Variants in MAN1A2 observed in about 807,000 individuals in gnomAD.
The protein encoded by MAN1A2 is mannosyl-oligosaccharide 1,2-alpha-mannosidase IB.
In MAN1A2, 26 loss-of-function variants were observed where a neutral mutation model predicts 75.7. The ratio of observed to expected loss-of-function variants is 0.34; its 90% confidence interval spans 0.25 to 0.48. The LOEUF is 0.48. Among genes scored for constraint, MAN1A2 ranks in the 20% least tolerant of loss-of-function variants. The pLI, the probability that MAN1A2 is intolerant of heterozygous loss-of-function variation, is 0.99. For missense variants in MAN1A2, 562 were observed against 775.5 expected (o/e 0.72, Z 3.27); for synonymous variants, 247 against 264.6 (o/e 0.93, Z 0.65).
rs1289683744 is a variant in MAN1A2, at chr1:117,367,769, A to G, written c.-415A>G. On this transcript the variant is annotated 5_prime_UTR_variant, in exon 1 of 13. Transcript: ENST00000356554. ...AGAAGCGTCGAAGGAGATCAAGTGAACCTTCTACAACTCCTCGGATGTCGC... is the reference window on the plus strand; with the variant it reads ...AGAAGCGTCGAAGGAGATCAAGTGAGCCTTCTACAACTCCTCGGATGTCGC... 1 of 164,116 alleles carries G rather than the reference A, an allele frequency of 6.1e-6. No individual in the cohort carries two copies. The highest frequency in any genetic ancestry group is 1.3e-5 in the Non-Finnish European group (1 of 76,178). 10.2% of individuals were successfully genotyped at this position (164,116 alleles called of 1,614,324 possible). A position where few individuals can be genotyped will look rare whatever the true frequency, so the allele number is the denominator to read the frequency against.
chr1:117,458,664 C>T (rs1030339482), intron 6 of MAN1A2, among the ~76,000 whole-genome samples: 4 of 150,924 alleles, frequency 2.7e-5, no homozygotes, highest in Non-Finnish European at 5.9e-5. Context: ...GCTGGGATTA[C>T]GGCGCCTGCC....
Position 117,402,240 on chromosome 1 carries a change from G to T in MAN1A2, c.357G>T (p.Leu119Phe). The T allele has an allele frequency of 6.2e-7, 1 of 1,613,656 alleles. No individual in the cohort carries two copies. The highest frequency in any genetic ancestry group is 8.5e-7 in the Non-Finnish European group (1 of 1,179,744). Residue 119 changes from leucine (L) to phenylalanine (F), a missense_variant, in exon 2 of 13, where the codon TTG (leucine) becomes TTT (phenylalanine). By Grantham distance (22) the Leu-to-Phe change is conservative. Coordinates refer to ENST00000356554, the MANE Select transcript of MAN1A2 (RefSeq NM_006699.5). ...TTCGAGCTGATCATGAGAAGGCCTTGGAAGAAGCAAAAGAAAAATTAAGAA... is the reference window on the plus strand; with the variant it reads ...TTCGAGCTGATCATGAGAAGGCCTTTGAAGAAGCAAAAGAAAAATTAAGAA... ...NKIRADHEKA[L>F]EEAKEKLRKS...
chr1:117,419,427 G>A (rs960978061), intron 4 of MAN1A2, among the ~76,000 whole-genome samples: 10 of 151,920 alleles, frequency 6.6e-5, no homozygotes, highest in African/African-American at 2.4e-4. Context: ...GTTAGATGTT[G>A]GGAATATATG....
At chr1:117,431,574 A>G (rs939986749) in intron 5 of MAN1A2, among the ~76,000 whole-genome samples, 1 of 152,218 alleles carries the variant, frequency 6.6e-6, no homozygotes, top group Non-Finnish European at 1.5e-5. Context: ...CTTTCTTTTC[A>G]AGTGCACATG....
chr1:117,494,288 A>T (rs1185841168), intron 9 of MAN1A2: 1 of 152,124 alleles, frequency 6.6e-6, no homozygotes, highest in African/African-American at 2.4e-5. Flanking sequence ...TTTCTAAGAA[A>T]AAACTGTGAA....
intron 6 of MAN1A2, among the ~76,000 whole-genome samples, chr1:117,443,483 G>A (rs761348902): frequency 6.6e-5 from 10 of 151,982 alleles, no homozygotes; most frequent in African/African-American, 1.9e-4. Flanking sequence ...CAGGATCATC[G>A]TCAGAATCAG....
intron 8 of MAN1A2, among the ~76,000 whole-genome samples, chr1:117,478,070 C>T (rs1351069533): frequency 6.6e-6 from 1 of 152,016 alleles, no homozygotes; most frequent in East Asian, 1.9e-4. Context: ...AGGAATCCAA[C>T]TTACAAGGGA....
chr1:117,511,535 ACTTTTTC>A (rs1651534418), intron 12 of MAN1A2, among the ~76,000 whole-genome samples: 1 of 151,520 alleles, frequency 6.6e-6, no homozygotes, highest in African/African-American at 2.4e-5. Flanking sequence ...AGCCGTAGGG[ACTTTTTC>A]CTTTTAACTA....
intron 5 of MAN1A2, among the ~76,000 whole-genome samples, chr1:117,425,779 A>G (rs965606167): frequency 3.3e-5 from 5 of 152,214 alleles, no homozygotes; most frequent in Non-Finnish European, 5.9e-5. Flanking sequence ...TTATTATTAT[A>G]GATTTCAGTT....
chr1:117,410,756 A>T (rs989939942), intron 3 of MAN1A2, among the ~76,000 whole-genome samples: 1 of 151,926 alleles, frequency 6.6e-6, no homozygotes, highest in African/African-American at 2.4e-5. Context: ...AAATTTAGTA[A>T]TGTTATAGGA....
intron 12 of MAN1A2, among the ~76,000 whole-genome samples, chr1:117,510,776 A>C (rs1227180688): frequency 2.6e-5 from 4 of 152,074 alleles, no homozygotes; most frequent in Non-Finnish European, 5.9e-5. Context: ...AATGAATGTA[A>C]AATAATCCTG....
intron 5 of MAN1A2, among the ~76,000 whole-genome samples, chr1:117,428,091 A>ATCTCTC (rs35953056): frequency 6.8e-6 from 1 of 146,792 alleles, no homozygotes; most frequent in Non-Finnish European, 1.5e-5. Context: ...TAAACTGTAA[A>ATCTCTC]TCTCTCTCTC....
chr1:117,465,599 G>T (rs868041132), intron 7 of MAN1A2, among the ~76,000 whole-genome samples: 1 of 152,092 alleles, frequency 6.6e-6, no homozygotes, highest in Non-Finnish European at 1.5e-5. Flanking sequence ...TACCAGCCAG[G>T]TTATTCATCA....
At chr1:117,429,908 T>C (rs1648549423) in intron 5 of MAN1A2, among the ~76,000 whole-genome samples, 1 of 61,334 alleles carries the variant, frequency 1.6e-5, no homozygotes, top group Non-Finnish European at 3.4e-5. Flanking sequence ...GCAGAGGGGC[T>C]CCTCACTTCC....
intron 12 of MAN1A2, among the ~76,000 whole-genome samples, chr1:117,503,624 C>G (rs1217776533): frequency 6.6e-6 from 1 of 151,518 alleles, no homozygotes; most frequent in Non-Finnish European, 1.5e-5. Context: ...TCTCTTCATA[C>G]TCGCTCTTAA....
At chr1:117,486,080 A>T (rs1488217788) in intron 8 of MAN1A2, among the ~76,000 whole-genome samples, 1 of 152,048 alleles carries the variant, frequency 6.6e-6, no homozygotes, top group Non-Finnish European at 1.5e-5. Flanking sequence ...CAGTGGGATA[A>T]CATACAGAAA....
At chr1:117,497,585 G>A (rs186359213) in intron 10 of MAN1A2, among the ~76,000 whole-genome samples, 3 of 151,878 alleles carry the variant, frequency 2.0e-5, no homozygotes, top group Admixed American at 2.0e-4. Flanking sequence ...GTTTTGGTTG[G>A]GGCTGAGAAA....
intron 1 of MAN1A2, among the ~76,000 whole-genome samples, chr1:117,377,454 CCTT>C (rs1216333415): frequency 2.0e-5 from 3 of 152,240 alleles, no homozygotes; most frequent in South Asian, 2.1e-4. Flanking sequence ...ATTCAGCAAT[CCTT>C]CTAGGGATTT....
intron 8 of MAN1A2, among the ~76,000 whole-genome samples, chr1:117,474,345 G>A (rs1045386182): frequency 1.3e-5 from 2 of 150,486 alleles, no homozygotes; most frequent in African/African-American, 4.9e-5. Context: ...TACTATAAAC[G>A]TACAATTTCC....
Sources: gnomAD v4.1 joint callset for allele counts (sites outside exome capture counted in the v4.1 genomes callset) on GRCh38, gnomAD v4.1.1 for gene constraint, MANE v1.5 for transcripts, NCBI Gene and HGNC (gene_info 2026-07-23, HGNC 2026-07-21) for gene names.